The following OLFM1 variants were observed in gnomAD, a reference collection of about 807,000 sequenced individuals.
The protein encoded by OLFM1 is olfactomedin 1, also known as noelin.
Under a neutral mutation model 49.7 loss-of-function variants are expected in OLFM1, and 9 were observed. That is an observed-to-expected ratio of 0.18 (90% CI 0.11 to 0.32). The LOEUF is 0.32. Ranked by LOEUF, OLFM1 falls within the 10% of genes least tolerant of loss-of-function variation. OLFM1 has a pLI of 1.00. For synonymous variants in OLFM1, 240 were observed against 271.8 expected, an observed-to-expected ratio of 0.88 and a Z score of 1.15; for missense variants, 369 against 661.8, an observed-to-expected ratio of 0.56 and a Z score of 4.85.
chr9:135,109,159 C>T (rs576750091), intron 5 of OLFM1, among the ~76,000 whole-genome samples: 2 of 152,326 alleles, frequency 1.3e-5, no homozygotes, highest in South Asian at 2.1e-4. Flanking sequence ...GGCTGGACTG[C>T]TCTGTCTGTA....
intron 5 of OLFM1, among the ~76,000 whole-genome samples, chr9:135,119,134 CGTT>C (rs1311502896): frequency 2.7e-5 from 4 of 150,712 alleles, no homozygotes; most frequent in East Asian, 4.1e-4. Context: ...TTGGAGTACT[CGTT>C]GTGTCTTTGG....
At chr9:135,076,925 C>T (rs1830474049) in intron 1 of OLFM1, 19 of 1,550,674 alleles carry the variant, frequency 1.2e-5, no homozygotes, top group Non-Finnish European at 1.6e-5. Flanking sequence ...CCCACGCTGG[C>T]TCCCTGGCTC....
In OLFM1 at chr9:135,088,676, G is replaced by A. The variant is rs994186782; in HGVS notation, c.150+537G>A. On this transcript the variant is annotated intron_variant, in intron 1 of 5. Transcript: ENST00000371793. The surrounding 1 kb of genome is among the most constrained non-coding windows in gnomAD (Gnocchi z 4.8). ...GGCTCCGGAGCTCCTGCCCGCGCCT[G>A]CATTCCCAAAGTCCCAAGGCGCCCT... Among the ~76,000 whole-genome samples the A allele has an allele frequency of 3.3e-5, 5 of 152,106 alleles. No individual in the cohort carries two copies. Among genetic ancestry groups the A allele is most frequent in the Non-Finnish European group, 7.4e-5 (5 of 68,008 alleles).
At chr9:135,096,872 G>A (rs1830805869) in intron 3 of OLFM1, among the ~76,000 whole-genome samples, 1 of 152,180 alleles carries the variant, frequency 6.6e-6, no homozygotes, top group African/African-American at 2.4e-5. Context: ...CTGCTTCTCC[G>A]GGTAACTCTG....
chr9:135,106,172 C>T (rs1029673837), intron 4 of OLFM1: 4 of 153,032 alleles, frequency 2.6e-5, no homozygotes, highest in African/African-American at 7.2e-5. Flanking sequence ...GGGAGAAGCG[C>T]GCAGGCTCTT....
At chr9:135,101,421 A>G (rs1387350960) in intron 4 of OLFM1, among the ~76,000 whole-genome samples, 2 of 152,176 alleles carry the variant, frequency 1.3e-5, no homozygotes, top group African/African-American at 2.4e-5. Flanking sequence ...TACCTTCTTC[A>G]AGTCACTGTT....
rs773058353 is a variant in OLFM1 at position 135,119,721 on chromosome 9, G to A, written c.1001G>A (p.Arg334His). ...AAGACAGAGACCATCCTCAAGACCC[G>A]CAGCCTGGACTATGCCGGTTACAAC... ...DLKTETILKT[R>H]SLDYAGYNNM... The change falls in exon 6 of 6, where the codon CGC (arginine) becomes CAC (histidine). Residue 334 changes from arginine (R) to histidine (H), a missense_variant. Physicochemically the swap from Arg to His is conservative, Grantham distance 29. This residue lies in a region of OLFM1 where 294 missense variants were observed against 567.5 expected (regional missense o/e 0.52). Coordinates refer to ENST00000371793, the MANE Select transcript of OLFM1 (RefSeq NM_001282611.2). 1.9e-5 allele frequency: 31 copies of A among 1,613,948 alleles called. No individual in the cohort carries two copies. The highest frequency in any genetic ancestry group is 6.7e-5 in the Admixed American group (4 of 59,996).
intron 5 of OLFM1, among the ~76,000 whole-genome samples, chr9:135,109,873 G>T (rs1160591343): frequency 6.6e-6 from 1 of 152,134 alleles, no homozygotes; most frequent in African/African-American, 2.4e-5. Context: ...CTGTGTTCGT[G>T]TGACCACAGG....
At chr9:135,105,197 G>A (rs571644424) in intron 4 of OLFM1, among the ~76,000 whole-genome samples, 3 of 152,362 alleles carry the variant, frequency 2.0e-5, no homozygotes, top group East Asian at 1.9e-4. Context: ...GGGGAACTAC[G>A]CACGGAGGAG....
At chr9:135,087,544 A>AG (rs988706356), upstream of OLFM1, 4 of 1,255,922 alleles carry the variant, frequency 3.2e-6, no homozygotes, top group Admixed American at 3.6e-5. Flanking sequence ...GCCAGCAGCC[A>AG]GGGGGCGGCG....
Position 135,087,871 on chromosome 9 carries a change from G to A in OLFM1, c.-119G>A, listed in dbSNP as rs1487462601. On this transcript the variant is annotated 5_prime_UTR_variant, in exon 1 of 6. Transcript: ENST00000371793. ...CGGCGGGCGGGCGGCGGCGGGCCGAGGGGGCGCGGGGACACAGCCAGGCGC... is the reference window on the plus strand; with the variant it reads ...CGGCGGGCGGGCGGCGGCGGGCCGAAGGGGCGCGGGGACACAGCCAGGCGC... 4 of 976,510 alleles carry A rather than the reference G, an allele frequency of 4.1e-6. No individual in the cohort carries two copies. The highest frequency in any genetic ancestry group is 4.9e-6 in the Non-Finnish European group (4 of 822,756). 60.5% of individuals were successfully genotyped at this position (976,510 alleles called of 1,614,324 possible).
rs55864915 is a variant in OLFM1, at chr9:135,107,131, GTGGGCTGGGC to G, written c.783+310_783+319del. Among the ~76,000 whole-genome samples, 172 of 151,816 alleles carry G rather than the reference GTGGGCTGGGC, an allele frequency of 1.1e-3. 1 individual carries two copies. The highest frequency in any genetic ancestry group is 3.6e-3 in the African/African-American group (148 of 41,404). On this transcript the variant is annotated intron_variant, in intron 5 of 5. Coordinates refer to ENST00000371793, the MANE Select transcript of OLFM1 (RefSeq NM_001282611.2). Reference sequence around the variant, plus strand: ...CCTTCAAGGCCTCCTCCCCGGCCCGGTGGGCTGGGCTGGGCTGGGCTGGGCTGGGCTGGGC... The same window carrying G: ...CCTTCAAGGCCTCCTCCCCGGCCCGGTGGGCTGGGCTGGGCTGGGCTGGGC...
At chr9:135,086,336 T>G (rs1424939692), upstream of OLFM1, among the ~76,000 whole-genome samples, 2 of 152,194 alleles carry the variant, frequency 1.3e-5, no homozygotes, top group Non-Finnish European at 2.9e-5. Flanking sequence ...AGGGGCTCAT[T>G]TAACTAGCGG....
chr9:135,086,527 T>C, upstream of OLFM1: 1 of 424,774 alleles, frequency 2.4e-6, no homozygotes, highest in South Asian at 1.7e-5. Context: ...GGAAGGGAGA[T>C]TAATTTTCGC....
At position 135,120,260 on chromosome 9, in the gene OLFM1, A is replaced by C; in HGVS notation, c.*82A>C. The C allele has an allele frequency of 2.6e-6, 3 of 1,163,168 alleles. No individual in the cohort carries two copies. The highest frequency in any genetic ancestry group is 3.7e-6 in the Non-Finnish European group (3 of 817,964). 72.1% of individuals were successfully genotyped at this position (1,163,168 alleles called of 1,614,324 possible). A position where few individuals can be genotyped will look rare whatever the true frequency, so the allele number is the denominator to read the frequency against. On this transcript the variant is annotated 3_prime_UTR_variant, in exon 6 of 6. Coordinates refer to ENST00000371793, the MANE Select transcript of OLFM1 (RefSeq NM_001282611.2). ...AACTGCTGCCAAAAAGATACCAATA[A>C]CACTAACAATACCGATCTTGAAAAA...
intron 4 of OLFM1, among the ~76,000 whole-genome samples, chr9:135,105,063 C>T (rs1171682455): frequency 2.0e-5 from 3 of 152,238 alleles, no homozygotes; most frequent in East Asian, 1.9e-4. Context: ...GCCCAGAGCC[C>T]GTGTGGACCA....
At chr9:135,096,222 T>G (rs1830794357) in intron 3 of OLFM1, among the ~76,000 whole-genome samples, 2 of 140,840 alleles carry the variant, frequency 1.4e-5, no homozygotes, top group Non-Finnish European at 3.1e-5. Context: ...CTCCTCTTCC[T>G]CCTCCCTCTC....
chr9:135,075,607 A>G (rs1299071102), exon 1 of OLFM1: 2 of 744,904 alleles, frequency 2.7e-6, no homozygotes, highest in Non-Finnish European at 3.9e-6. Context: ...GCGTGGGGAC[A>G]CGAGCCAGGC....
Position 135,078,524 on chromosome 9 carries a change from G to A in OLFM1, c.96+2722G>A, listed in dbSNP as rs114459078. Among the ~76,000 whole-genome samples the A allele has an allele frequency of 5.2e-3, 799 of 152,368 alleles. 6 individuals are homozygous for A. The highest frequency in any genetic ancestry group is 0.018 in the African/African-American group (738 of 41,588). The stretch of plus-strand genomic sequence containing the variant: ...TTGATGGATGGCCTACGACACGCAA[G>A]GCTGTGGGGCCAGGTGAACTTTGTC... On this transcript the variant is annotated intron_variant, in intron 1 of 5. Transcript: ENST00000252854.
Sources: allele counts gnomAD v4.1 joint callset (sites outside exome capture counted in the v4.1 genomes callset), GRCh38; gene constraint gnomAD v4.1.1; regional missense constraint gnomAD v4.1.1; non-coding constraint Gnocchi (gnomAD v3.1); transcripts MANE v1.5; gene names NCBI Gene and HGNC (gene_info 2026-07-23, HGNC 2026-07-21).